TTC27: variants seen among roughly 807,000 people sequenced by gnomAD.
The protein encoded by TTC27 is tetratricopeptide repeat domain 27.
TTC27 carries 79 observed loss-of-function variants against 115.9 expected under a neutral mutation model. The observed-to-expected ratio is 0.68, with a 90% CI of 0.57 to 0.82. The LOEUF (loss-of-function observed/expected upper bound fraction) is 0.82, where lower values mean the gene tolerates loss of function less well. Among genes scored for constraint, TTC27 ranks in the 40% least tolerant of loss-of-function variants. TTC27 has a pLI of 0.00. For synonymous variants in TTC27, 401 were observed against 356.0 expected (o/e 1.13, Z -1.42); for missense variants, 1,054 against 993.1 (o/e 1.06, Z -0.82).
intron 12 of TTC27, among the ~76,000 whole-genome samples, chr2:32,746,582 A>AAAAAAAAAAAAAAAT (rs56007091): frequency 2.0e-5 from 3 of 150,942 alleles, no homozygotes; most frequent in Admixed American, 6.6e-5. Flanking sequence ...AAAAAAAAAA[A>AAAAAAAAAAAAAAAT]GAATGCACAT....
chr2:32,788,586 A>G (rs1670424882), intron 16 of TTC27, among the ~76,000 whole-genome samples: 2 of 152,056 alleles, frequency 1.3e-5, no homozygotes, highest in Admixed American at 1.3e-4. Flanking sequence ...CCATTTTCTA[A>G]CTAATCTGCT....
intron 13 of TTC27, among the ~76,000 whole-genome samples, chr2:32,759,650 T>C (rs749613516): frequency 6.6e-6 from 1 of 152,210 alleles, no homozygotes; most frequent in South Asian, 2.1e-4. Context: ...ACATTCCCAT[T>C]GTTGGGCAAC....
chr2:32,766,452 TATTGTTG>T (rs1197246542), intron 13 of TTC27: 5 of 439,168 alleles, frequency 1.1e-5, no homozygotes, highest in Non-Finnish European at 2.3e-5. Context: ...CTAATTTCAA[TATTGTTG>T]TGTCTTAGGG....
At chr2:32,670,289 T>A (rs1280316360) in intron 7 of TTC27, among the ~76,000 whole-genome samples, 1 of 152,222 alleles carries the variant, frequency 6.6e-6, no homozygotes, top group Non-Finnish European at 1.5e-5. Context: ...ATACCGATTT[T>A]AAATTACACT....
At chr2:32,730,503 A>G (rs897449854) in intron 10 of TTC27, among the ~76,000 whole-genome samples, 8 of 151,924 alleles carry the variant, frequency 5.3e-5, no homozygotes, top group Admixed American at 3.9e-4. Flanking sequence ...AAACCTAGAC[A>G]TGCACTATAA....
At chr2:32,655,676 G>C (rs1665288892) in intron 5 of TTC27, among the ~76,000 whole-genome samples, 1 of 151,398 alleles carries the variant, frequency 6.6e-6, no homozygotes, top group South Asian at 2.1e-4. Flanking sequence ...CAGTTTCAGA[G>C]ATTACTTTGA....
intron 9 of TTC27, among the ~76,000 whole-genome samples, chr2:32,695,767 G>T (rs1666965539): frequency 6.8e-6 from 1 of 147,294 alleles, no homozygotes; most frequent in South Asian, 2.2e-4. Context: ...GTGGTGGCGG[G>T]TGCCTGTAGT....
At position 32,664,331 on chromosome 2, in the gene TTC27, T is replaced by A; in HGVS notation, c.669T>A (p.Asp223Glu). The A allele has an allele frequency of 6.2e-7, 1 of 1,607,248 alleles. No homozygotes were observed. Among genetic ancestry groups the A allele is most frequent in the Admixed American group, 1.7e-5 (1 of 58,668 alleles). ...QVMKLQNLFVDDSGRYLAIQF... is the reference protein window; with the variant it reads ...QVMKLQNLFVEDSGRYLAIQF... ...TGAAACTACAGAATCTGTTTGTAGA[T>A]GATTCAGGTCGATATTTGGCTATTC... The change falls in exon 6 of 20, where the codon GAT (aspartate) becomes GAA (glutamate). Residue 223 changes from aspartate to glutamate, a missense_variant. Coordinates refer to ENST00000317907, the MANE Select transcript of TTC27 (RefSeq NM_017735.5).
Position 32,712,529 on chromosome 2 carries a change from C to T in TTC27, c.1233+9609C>T, listed in dbSNP as rs550985316. ...CTCTATCGTCATTCTGCCTTTCCTT[C>T]CGCATCTGATCTAAATTCTTTTTTT... is the stretch of plus-strand genomic sequence containing the variant. On this transcript the variant is annotated intron_variant, in intron 10 of 19. Coordinates refer to ENST00000317907, the MANE Select transcript of TTC27 (RefSeq NM_017735.5). Among the ~76,000 whole-genome samples, 5 of 152,132 alleles carry T rather than the reference C, an allele frequency of 3.3e-5. No individual in the cohort carries two copies. The South Asian group carries it at 1.0e-3, about 32-fold the overall frequency.
intron 9 of TTC27, among the ~76,000 whole-genome samples, chr2:32,702,354 G>A (rs1667214813): frequency 6.6e-6 from 1 of 151,588 alleles, no homozygotes; most frequent in African/African-American, 2.4e-5. Context: ...ATTATACTAA[G>A]GAGTCAGTGT....
rs777317095 is a variant in TTC27 at position 32,820,988 on chromosome 2, G to C, written c.*50G>C. On this transcript the variant is annotated 3_prime_UTR_variant, in exon 20 of 20. Coordinates refer to ENST00000317907, the MANE Select transcript of TTC27 (RefSeq NM_017735.5). ...AAGGTGCTTTCACCTGCTGGTAAAAGATACATCTGTATATCTGAAATGCAA... is the reference window on the plus strand; with the variant it reads ...AAGGTGCTTTCACCTGCTGGTAAAACATACATCTGTATATCTGAAATGCAA... The C allele has an allele frequency of 7.1e-7, 1 of 1,415,494 alleles. No homozygotes were observed. Among genetic ancestry groups the C allele is most frequent in the South Asian group, 1.6e-5 (1 of 61,556 alleles). 87.7% of individuals were successfully genotyped at this position (1,415,494 alleles called of 1,614,324 possible).
chr2:32,723,728 C>CTCCCTCCCTCCGTCCGTCCTTCCTTCCT (rs1454826952), intron 10 of TTC27, among the ~76,000 whole-genome samples: 3 of 29,514 alleles, frequency 1.0e-4, no homozygotes, highest in Admixed American at 1.0e-3. Flanking sequence ...CCCTCCCTCC[C>CTCCCTCCCTCCGTCCGTCCTTCCTTCCT]TCCTTCCTTC....
intron 16 of TTC27, among the ~76,000 whole-genome samples, chr2:32,791,804 G>C (rs1461130064): frequency 6.6e-6 from 1 of 152,166 alleles, no homozygotes; most frequent in Non-Finnish European, 1.5e-5. Context: ...AAGCCCAGGA[G>C]TTTGAGGTTT....
chr2:32,638,185 C>G (rs1031611634), intron 3 of TTC27, among the ~76,000 whole-genome samples: 2 of 152,128 alleles, frequency 1.3e-5, no homozygotes, highest in Admixed American at 1.3e-4. Flanking sequence ...GTTGTAAAAA[C>G]TTGATAATAT....
intron 10 of TTC27, among the ~76,000 whole-genome samples, chr2:32,705,701 G>A (rs775095651): frequency 1.3e-5 from 2 of 152,020 alleles, no homozygotes; most frequent in Non-Finnish European, 2.9e-5. Context: ...AGGGCTACAG[G>A]TGCATGCAAC....
chr2:32,776,181 C>G (rs1669991909), intron 13 of TTC27, among the ~76,000 whole-genome samples: 1 of 152,192 alleles, frequency 6.6e-6, no homozygotes, highest in Admixed American at 6.5e-5. Flanking sequence ...CTCCTGATAA[C>G]AGTTATTTAT....
Position 32,633,825 on chromosome 2 carries a change from T to C in TTC27, c.267-51T>C, listed in dbSNP as rs373263388. 10 of 1,568,318 alleles carry C rather than the reference T, an allele frequency of 6.4e-6. No homozygotes were observed. The African/African-American group carries it at 1.2e-4, about 19-fold the overall frequency. ...TGAAATGGAATAGTGTGTTTGAGATTATACAGTGATAGTAGTTCATATTTA... is the reference window on the plus strand; with the variant it reads ...TGAAATGGAATAGTGTGTTTGAGATCATACAGTGATAGTAGTTCATATTTA... On this transcript the variant is annotated intron_variant, in intron 2 of 19. Transcript: ENST00000317907.
intron 12 of TTC27, among the ~76,000 whole-genome samples, chr2:32,737,424 G>A (rs1668484165): frequency 6.6e-6 from 1 of 152,088 alleles, no homozygotes; most frequent in Non-Finnish European, 1.5e-5. Flanking sequence ...GAAATCATAT[G>A]TTAAATTTTG....
chr2:32,693,887 G>A (rs1450048906), intron 9 of TTC27, among the ~76,000 whole-genome samples: 1 of 152,186 alleles, frequency 6.6e-6, no homozygotes, highest in East Asian at 1.9e-4. Context: ...AAAGCACTTA[G>A]ACTAGTGCCT....
Sources: gnomAD v4.1 joint callset for allele counts (sites outside exome capture counted in the v4.1 genomes callset) on GRCh38, gnomAD v4.1.1 for gene constraint, MANE v1.5 for transcripts, NCBI Gene and HGNC (gene_info 2026-07-23, HGNC 2026-07-21) for gene names.